Variants in PCDHA9 observed in about 807,000 individuals in gnomAD.
PCDHA9 encodes protocadherin alpha-9.
Under a neutral mutation model 62.0 loss-of-function variants are expected in PCDHA9, and 62 were observed. The observed-to-expected ratio is 1.00, with a 90% confidence interval of 0.81 to 1.23. PCDHA9 has a LOEUF of 1.23. PCDHA9 is among the 50% of genes most tolerant of loss of function. The probability of loss-of-function intolerance (pLI) is 0.00; values close to 1 mark genes in which losing one functional copy is unlikely to be tolerated. For synonymous variants in PCDHA9, 557 were observed against 567.6 expected, an observed-to-expected ratio of 0.98 and a Z score of 0.27; for missense variants, 1,205 against 1,249.8, an observed-to-expected ratio of 0.96 and a Z score of 0.54.
chr5:140,857,913 G>A (rs559667430), intron 1 of PCDHA9: 1 of 1,597,802 alleles, frequency 6.3e-7, no homozygotes, highest in East Asian at 2.2e-5. Context: ...ATCCCGTTTC[G>A]CGTGGGGCTG....
chr5:140,907,727 C>T (rs2153502591), intron 1 of PCDHA9, among the ~76,000 whole-genome samples: 1 of 152,306 alleles, frequency 6.6e-6, no homozygotes, highest in Admixed American at 6.5e-5. Flanking sequence ...AACCTCCATC[C>T]CTGCCACCAT....
chr5:140,943,257 C>CAA lies in PCDHA9; in HGVS notation c.2395-35673_2395-35672dup, dbSNP rs1238620023. Reference sequence around the variant, plus strand: ...TGGGTCACAGAGTGAGACTCTGTCTCAAAAAAAAAAAAAAAAAAAAGAAAG... The same window carrying CAA: ...TGGGTCACAGAGTGAGACTCTGTCTCAAAAAAAAAAAAAAAAAAAAAAGAAAG... On this transcript the variant is annotated intron_variant, in intron 1 of 3. Transcript: ENST00000532602. Among the ~76,000 whole-genome samples the CAA allele has an allele frequency of 2.6e-3, 203 of 77,270 alleles. 1 individual carries two copies. Among genetic ancestry groups the CAA allele is most frequent in the African/African-American group, 9.8e-3 (185 of 18,826 alleles). The allele number at this position is 77,270 out of a possible 152,430, so 50.7% of individuals were successfully genotyped here. A position where few individuals can be genotyped will look rare whatever the true frequency, so the allele number is the denominator to read the frequency against.
chr5:140,891,230 T>G (rs1192105465), intron 1 of PCDHA9, among the ~76,000 whole-genome samples: 1 of 152,232 alleles, frequency 6.6e-6, no homozygotes, highest in Non-Finnish European at 1.5e-5. Flanking sequence ...AATCATCCTG[T>G]TCTGGATTCA....
chr5:140,878,001 T>C (rs2057434893), intron 1 of PCDHA9: 6 of 1,018,808 alleles, frequency 5.9e-6, no homozygotes, highest in South Asian at 4.4e-5. Flanking sequence ...TATGTATTTG[T>C]CTAACATTAA....
intron 1 of PCDHA9, chr5:140,860,474 TA>T (rs1293657242): frequency 6.6e-6 from 1 of 152,154 alleles, no homozygotes; most frequent in African/African-American, 2.4e-5. Context: ...GTTGGTGCAG[TA>T]GTACTTTATT....
At position 140,850,470 on chromosome 5, in the gene PCDHA9, C is replaced by T. The variant is rs2041624410; in HGVS notation, c.1975C>T (p.Leu659=). ...GGTGAAAGACCACGGGGAGCCAGCGCTGACGGCCACGGCCACTGTGCTGGT... is the reference window on the plus strand; with the variant it reads ...GGTGAAAGACCACGGGGAGCCAGCGTTGACGGCCACGGCCACTGTGCTGGT... The part of the protein sequence containing the change: ...VLVKDHGEPA[L]TATATVLVSL... Residue 659 remains leucine (L), a synonymous_variant, in exon 1 of 4, where the codon CTG becomes TTG. Coordinates refer to ENST00000532602, the MANE Select transcript of PCDHA9 (RefSeq NM_031857.2). 1.3e-6 allele frequency: 2 copies of T among 1,597,978 alleles called. No individual in the cohort carries two copies. The highest frequency in any genetic ancestry group is 4.5e-5 in the East Asian group (2 of 44,818).
At chr5:140,971,096 A>G (rs1240805149) in intron 1 of PCDHA9, among the ~76,000 whole-genome samples, 1 of 152,180 alleles carries the variant, frequency 6.6e-6, no homozygotes, top group African/African-American at 2.4e-5. Context: ...ATTCTTGTGA[A>G]GCCCTTTGGG....
At position 141,011,912 on chromosome 5, in the gene PCDHA9, T is replaced by C. The variant is rs573561005; in HGVS notation, c.*1975T>C. ...ATTATATTATCTATTTAGGCATTAA[T>C]ATAAAAGAGGTAGGAGTCTGTTATT... On this transcript the variant is annotated 3_prime_UTR_variant, in exon 4 of 4. Coordinates refer to ENST00000532602, the MANE Select transcript of PCDHA9 (RefSeq NM_031857.2). 4 of 153,808 alleles carry C rather than the reference T, an allele frequency of 2.6e-5. No individual in the cohort carries two copies. In the South Asian group the frequency reaches 8.3e-4, roughly 32 times the overall value. 9.5% of individuals were successfully genotyped at this position (153,808 alleles called of 1,614,324 possible).
At chr5:140,945,164 T>C (rs246060) in intron 1 of PCDHA9, among the ~76,000 whole-genome samples, 85,686 of 151,808 alleles carry the variant, frequency 0.56, 24,785 homozygotes, top group African/African-American at 0.69. Flanking sequence ...TATTGAACTA[T>C]CTGAAAAATA....
chr5:140,881,886 C>G (rs2058857922), intron 1 of PCDHA9, among the ~76,000 whole-genome samples: 1 of 152,170 alleles, frequency 6.6e-6, no homozygotes, highest in African/African-American at 2.4e-5. Flanking sequence ...AACTCATCAA[C>G]CAATTGTCAG....
At chr5:140,875,577 C>G in intron 1 of PCDHA9, 1 of 1,614,082 alleles carries the variant, frequency 6.2e-7, no homozygotes, top group Non-Finnish European at 8.5e-7. Context: ...ACTACTCCGT[C>G]TACGAGGAGG....
chr5:140,928,161 C>G (rs155820), intron 1 of PCDHA9: 543,775 of 1,613,884 alleles, frequency 0.34, 93,301 homozygotes, highest in East Asian at 0.51. Flanking sequence ...GTGGCTCACC[C>G]CCACTTAGCA....
At chr5:140,927,956 C>G in intron 1 of PCDHA9, 1 of 1,614,224 alleles carries the variant, frequency 6.2e-7, no homozygotes. Flanking sequence ...GACGCTGCCC[C>G]TGGCACAGTG....
chr5:140,928,592 T>G (rs781970359), intron 1 of PCDHA9: 1 of 1,614,178 alleles, frequency 6.2e-7, no homozygotes, highest in Non-Finnish European at 8.5e-7. Context: ...TCTGTCCCAG[T>G]GGAAATTGTG....
At chr5:140,858,637 A>G in intron 1 of PCDHA9, 1 of 969,728 alleles carries the variant, frequency 1.0e-6, no homozygotes, top group Non-Finnish European at 1.5e-6. Context: ...TCAGCCTTTG[A>G]TTGGTACTTA....
At chr5:140,859,957 A>G (rs1554152871) in intron 1 of PCDHA9, 1 of 151,974 alleles carries the variant, frequency 6.6e-6, no homozygotes, top group African/African-American at 2.4e-5. Context: ...ATCAATTGTA[A>G]AAGTCTCAGG....
chr5:140,906,999 G>T lies in PCDHA9; in HGVS notation c.2394+56110G>T, dbSNP rs187849442. Among the ~76,000 whole-genome samples the T allele has an allele frequency of 8.0e-3, 1,219 of 152,202 alleles. 6 individuals are homozygous for T. The highest frequency in any genetic ancestry group is 0.019 in the African/African-American group (787 of 41,528). On this transcript the variant is annotated intron_variant, in intron 1 of 3. Coordinates refer to ENST00000532602, the MANE Select transcript of PCDHA9 (RefSeq NM_031857.2). Reference sequence around the variant, plus strand: ...TTCTGGTGGCAGCATTCCTCCCTCTGGAACTAAGACCTCTAGGCCAGCAGA... The same window carrying T: ...TTCTGGTGGCAGCATTCCTCCCTCTTGAACTAAGACCTCTAGGCCAGCAGA...
At chr5:140,883,759 G>A (rs1554179777) in intron 1 of PCDHA9, 1 of 1,612,704 alleles carries the variant, frequency 6.2e-7, no homozygotes, top group African/African-American at 1.3e-5. Context: ...TGGTGGAGCG[G>A]CGGGTGGGCG....
chr5:140,925,100 A>AGGAG (rs1217709299), intron 1 of PCDHA9, among the ~76,000 whole-genome samples: 12 of 151,586 alleles, frequency 7.9e-5, no homozygotes, highest in Admixed American at 1.3e-4. Context: ...GAAGGAAGGA[A>AGGAG]GGAAGGAGGG....
Sources: allele counts gnomAD v4.1 joint callset (sites outside exome capture counted in the v4.1 genomes callset), GRCh38; gene constraint gnomAD v4.1.1; transcripts MANE v1.5; gene names NCBI Gene and HGNC (gene_info 2026-07-23, HGNC 2026-07-21).